CCDC14: variants seen among roughly 807,000 people sequenced by gnomAD.
CCDC14 encodes coiled-coil domain containing 14, also known as coiled-coil domain-containing protein 14.
Under a neutral mutation model 81.4 loss-of-function variants are expected in CCDC14, and 71 were observed. The observed-to-expected ratio is 0.87, with a 90% CI of 0.72 to 1.06. The LOEUF (loss-of-function observed/expected upper bound fraction) is 1.06, where lower values mean the gene tolerates loss of function less well. CCDC14 is among the 50% of genes least tolerant of loss of function. The pLI, the probability that CCDC14 is intolerant of heterozygous loss-of-function variation, is 0.00. For missense variants in CCDC14, 1,046 were observed against 1,047.3 expected (o/e 1.00, Z 0.02); for synonymous variants, 332 against 364.8 (o/e 0.91, Z 1.03).
rs111585594 is a variant in CCDC14, at chr3:123,950,357, T to C, written c.353-1225A>G. Among the ~76,000 whole-genome samples the C allele has an allele frequency of 2.6e-3, 393 of 152,326 alleles. 2 individuals are homozygous for C. The highest frequency in any genetic ancestry group is 9.2e-3 in the African/African-American group (382 of 41,564). ...GCAAGAATGTTCACAGCAGCTTGAT[T>C]TGCAGTAGCCCAAAGCTGAAAACAC... On this transcript the variant is annotated intron_variant, in intron 5 of 12. Transcript: ENST00000409697.
At chr3:123,891,670 A>C in the CCDC14 span, among the ~76,000 whole-genome samples, 4 of 152,324 alleles carry the variant, frequency 2.6e-5, no homozygotes. Flanking sequence ...ATTTTTGTCA[A>C]AGCCATTCAA....
chr3:123,939,255 C>T (rs930736138), intron 9 of CCDC14, among the ~76,000 whole-genome samples: 1 of 151,672 alleles, frequency 6.6e-6, no homozygotes, highest in Non-Finnish European at 1.5e-5. Context: ...CGAAAATCAC[C>T]GTGGAAAGGC....
intron 5 of CCDC14, among the ~76,000 whole-genome samples, chr3:123,899,206 G>A (rs1171148309): frequency 6.6e-6 from 1 of 152,132 alleles, no homozygotes; most frequent in Non-Finnish European, 1.5e-5. Context: ...ACTTATCAGA[G>A]GTTCTTAGTT....
intron 8 of CCDC14, 34 bp downstream of exon 8, chr3:123,946,769 C>G: frequency 6.4e-7 from 1 of 1,568,106 alleles, no homozygotes; most frequent in Non-Finnish European, 8.7e-7. Context: ...TTTAGTATAA[C>G]ACCATACTAC....
chr3:123,933,964 T>C (rs2035899534), intron 9 of CCDC14, among the ~76,000 whole-genome samples: 1 of 152,028 alleles, frequency 6.6e-6, no homozygotes, highest in African/African-American at 2.4e-5. Flanking sequence ...TAAGGTTGCC[T>C]GAAACAACAT....
intron 1 of CCDC14, among the ~76,000 whole-genome samples, chr3:123,960,105 A>G (rs1318442863): frequency 6.6e-6 from 1 of 152,226 alleles, no homozygotes; most frequent in Non-Finnish European, 1.5e-5. Flanking sequence ...GAGTGTCCTA[A>G]TCACAATACA....
chr3:123,894,708 T>C (rs1239971933), downstream of CCDC14, among the ~76,000 whole-genome samples: 1 of 152,272 alleles, frequency 6.6e-6, no homozygotes, highest in Non-Finnish European at 1.5e-5. Flanking sequence ...TTTGATGCTA[T>C]TGAAAATTGA....
chr3:123,889,981 T>C, the CCDC14 span, among the ~76,000 whole-genome samples: 1 of 152,184 alleles, frequency 6.6e-6, no homozygotes, highest in Non-Finnish European at 1.5e-5. Context: ...GGACTTACAA[T>C]TTCATATGGC....
At chr3:123,904,622 G>GAAAAAA (rs35632545) in intron 5 of CCDC14, among the ~76,000 whole-genome samples, 1 of 144,508 alleles carries the variant, frequency 6.9e-6, no homozygotes. Context: ...TGGAAAAAAA[G>GAAAAAA]AAAAAAAAAA....
chr3:123,918,783 C>G lies in CCDC14; in HGVS notation c.1779-3065G>C, dbSNP rs191054388. Among the ~76,000 whole-genome samples the G allele has an allele frequency of 2.0e-3, 308 of 152,292 alleles. 1 individual carries two copies. Among genetic ancestry groups the G allele is most frequent in the Admixed American group, 0.019 (298 of 15,296 alleles). On this transcript the variant is annotated intron_variant, in intron 12 of 12. Coordinates refer to ENST00000409697, the MANE Select transcript of CCDC14 (RefSeq NM_001366335.1). ...TAGCGGAAAACAAAAAAGAGGGATA[C>G]AGCTCATAGCGGCTACAGCACAGAT...
chr3:123,935,881 T>C (rs1443358260), intron 9 of CCDC14, among the ~76,000 whole-genome samples: 1 of 152,148 alleles, frequency 6.6e-6, no homozygotes, highest in Non-Finnish European at 1.5e-5. Context: ...CTAAAAATAA[T>C]GTGGTTTGGG....
intron 12 of CCDC14, among the ~76,000 whole-genome samples, chr3:123,928,467 C>G (rs1243916767): frequency 2.6e-5 from 4 of 151,970 alleles, no homozygotes; most frequent in African/African-American, 9.7e-5. Context: ...GATAGCGCCA[C>G]TGCACTCCAG....
At chr3:123,928,159 T>C (rs1444489578) in intron 12 of CCDC14, among the ~76,000 whole-genome samples, 5 of 152,012 alleles carry the variant, frequency 3.3e-5, no homozygotes, top group African/African-American at 7.2e-5. Context: ...ATGCATTGCA[T>C]ATGTTGAATA....
chr3:123,943,342 CTTTAGGCCTCAG>C (rs2036460001), intron 9 of CCDC14, among the ~76,000 whole-genome samples: 1 of 152,018 alleles, frequency 6.6e-6, no homozygotes, highest in Admixed American at 6.6e-5. Context: ...TATTCAGGTA[CTTTAGGCCTCAG>C]AAGCAGGCCT....
intron 5 of CCDC14, among the ~76,000 whole-genome samples, chr3:123,908,248 T>C (rs2148766515): frequency 6.6e-6 from 1 of 152,282 alleles, no homozygotes; most frequent in Middle Eastern, 3.4e-3. Flanking sequence ...GGTGTTGCGA[T>C]CTTTCCTCTT....
chr3:123,916,298 C>T (rs2700374), intron 12 of CCDC14, among the ~76,000 whole-genome samples: 17,586 of 151,904 alleles, frequency 0.12, 2,451 homozygotes, highest in East Asian at 0.36. Context: ...CATACCCAGC[C>T]GAGATGGTTT....
At chr3:123,911,966 G>A (rs2034457967), downstream of CCDC14, among the ~76,000 whole-genome samples, 1 of 152,092 alleles carries the variant, frequency 6.6e-6, no homozygotes, top group African/African-American at 2.4e-5. Context: ...TGGGAATAAG[G>A]GAAGAACATG....
Position 123,914,908 on chromosome 3 carries a change from G to C in CCDC14, c.2589C>G (p.Asp863Glu). The C allele has an allele frequency of 6.2e-7, 1 of 1,614,020 alleles. No individual in the cohort carries two copies. The highest frequency in any genetic ancestry group is 1.1e-5 in the South Asian group (1 of 91,074). Residue 863 changes from aspartate to glutamate, a missense_variant, in exon 13 of 13, where the codon GAC (aspartate) becomes GAG (glutamate). Physicochemically the swap from Asp to Glu is conservative, Grantham distance 45 (BLOSUM62 2). Transcript: ENST00000409697. Reference sequence around the variant, plus strand: ...ACGTTGAAAACGAAGAGATGCTCCAGTCAGACATCAAGTCAGAAGTGAAAA... The same window carrying C: ...ACGTTGAAAACGAAGAGATGCTCCACTCAGACATCAAGTCAGAAGTGAAAA... ...GSVFTSDLMS[D>E]WSISSFSTFT...
Position 123,915,205 on chromosome 3 carries a change from G to T in CCDC14, c.2292C>A (p.Ser764Arg). ...TTCCAGAGACAGCAAGTCCGCTGTT[G>T]CTGACTAGCTGTGTTGTAGCTGCTC... is the stretch of plus-strand genomic sequence containing the variant. ...QIRAATTQLV[S>R]NSGLAVSGKE... Residue 764 changes from serine (S) to arginine (R), a missense_variant, in exon 13 of 13, where the codon AGC becomes AGA. Transcript: ENST00000409697. 1 of 1,613,722 alleles carries T rather than the reference G, an allele frequency of 6.2e-7. No homozygotes were observed.
Sources: allele counts gnomAD v4.1 joint callset (sites outside exome capture counted in the v4.1 genomes callset), GRCh38; gene constraint gnomAD v4.1.1; transcripts MANE v1.5; gene names NCBI Gene and HGNC (gene_info 2026-07-23, HGNC 2026-07-21).